The following POFUT3 variants were observed in gnomAD, a reference collection of about 807,000 sequenced individuals.
POFUT3 encodes GDP-fucose protein O-fucosyltransferase 3.
At chr8:33,469,789 A>G in the POFUT3 span, among the ~76,000 whole-genome samples, 16 of 139,916 alleles carry the variant, frequency 1.1e-4, no homozygotes, top group African/African-American at 3.7e-4. Context: ...AGAAACACAG[A>G]TTTTTTACTT....
the POFUT3 span, chr8:33,461,420 T>C: frequency 1.2e-6 from 2 of 1,613,522 alleles, no homozygotes; most frequent in Non-Finnish European, 1.7e-6. Flanking sequence ...ACAGGCAAGA[T>C]GCCAAAAGCT....
chr8:33,472,130 G>A, the POFUT3 span, among the ~76,000 whole-genome samples: 1 of 152,196 alleles, frequency 6.6e-6, no homozygotes, highest in Non-Finnish European at 1.5e-5. Flanking sequence ...GGAAAGAAAG[G>A]TGTACGAAGG....
the POFUT3 span, among the ~76,000 whole-genome samples, chr8:33,399,843 G>A: frequency 3.3e-5 from 5 of 151,714 alleles, no homozygotes; most frequent in East Asian, 2.0e-4. Context: ...TTGTAGAGAC[G>A]GGGTTTCACC....
the POFUT3 span, chr8:33,389,285 A>G: frequency 1.9e-6 from 3 of 1,614,050 alleles, no homozygotes; most frequent in Non-Finnish European, 2.5e-6. Context: ...CCCCAGTTTC[A>G]GTGGCCTCCA....
the POFUT3 span, among the ~76,000 whole-genome samples, chr8:33,408,001 AAAAAG>A: frequency 4.0e-4 from 60 of 151,064 alleles, no homozygotes; most frequent in African/African-American, 1.2e-3. Flanking sequence ...AAAAAAAAAA[AAAAAG>A]AAAAGAAAAG....
At chr8:33,470,199 A>T in the POFUT3 span, among the ~76,000 whole-genome samples, 1 of 145,304 alleles carries the variant, frequency 6.9e-6, no homozygotes, top group Non-Finnish European at 1.5e-5. Context: ...CAGGAGTTCA[A>T]GACCAGCCTA....
chr8:33,391,769 T>C, the POFUT3 span, among the ~76,000 whole-genome samples: 2 of 151,964 alleles, frequency 1.3e-5, no homozygotes, highest in Non-Finnish European at 2.9e-5. Flanking sequence ...AGATGAGAGA[T>C]TAAAGAGGAT....
the POFUT3 span, among the ~76,000 whole-genome samples, chr8:33,380,906 G>C: frequency 6.6e-6 from 1 of 151,684 alleles, no homozygotes; most frequent in Non-Finnish European, 1.5e-5. Context: ...GGCCAAAGCA[G>C]GAGAATGGCT....
the POFUT3 span, among the ~76,000 whole-genome samples, chr8:33,326,292 T>G: frequency 2.0e-5 from 3 of 152,108 alleles, no homozygotes; most frequent in Non-Finnish European, 2.9e-5. Flanking sequence ...ACTCCTACAC[T>G]GGGGCTCCAG....
chr8:33,329,314 G>C, the POFUT3 span, among the ~76,000 whole-genome samples: 5 of 152,286 alleles, frequency 3.3e-5, no homozygotes, highest in East Asian at 9.6e-4. Flanking sequence ...AAATATAACA[G>C]GACATTTGGA....
the POFUT3 span, among the ~76,000 whole-genome samples, chr8:33,332,093 T>C: frequency 6.7e-6 from 1 of 149,746 alleles, no homozygotes; most frequent in South Asian, 2.1e-4. Flanking sequence ...CAGTGAGCTA[T>C]GATCAAGCCA....
chr8:33,448,211 C>T, the POFUT3 span, among the ~76,000 whole-genome samples: 10 of 122,040 alleles, frequency 8.2e-5, no homozygotes, highest in East Asian at 2.1e-3. Flanking sequence ...CCAGATATGG[C>T]GGCAAGCACC....
At chr8:33,461,172 C>CGGAA in the POFUT3 span, among the ~76,000 whole-genome samples, 19 of 47,598 alleles carry the variant, frequency 4.0e-4, no homozygotes, top group East Asian at 1.2e-3. Flanking sequence ...GGTACTGTGT[C>CGGAA]GGAAGGAAGG....
the POFUT3 span, among the ~76,000 whole-genome samples, chr8:33,313,924 C>T: frequency 6.6e-6 from 1 of 152,100 alleles, no homozygotes; most frequent in South Asian, 2.1e-4. Context: ...AGTCTCCTCC[C>T]TCTTGATTTC....
the POFUT3 span, among the ~76,000 whole-genome samples, chr8:33,420,872 T>G: frequency 1.3e-5 from 2 of 151,976 alleles, no homozygotes; most frequent in African/African-American, 4.8e-5. Context: ...GGTCACATTA[T>G]ATGTATCAAA....
the POFUT3 span, among the ~76,000 whole-genome samples, chr8:33,426,729 GACT>G: frequency 6.6e-6 from 1 of 152,152 alleles, no homozygotes; most frequent in Non-Finnish European, 1.5e-5. Context: ...TCTCCTCTAT[GACT>G]ACATTTGCCA....
chr8:33,407,571 T>C, the POFUT3 span, among the ~76,000 whole-genome samples: 3 of 152,286 alleles, frequency 2.0e-5, no homozygotes, highest in South Asian at 4.1e-4. Context: ...AACCAAATTA[T>C]AGAGAATGTT....
At chr8:33,349,419 T>C in the POFUT3 span, among the ~76,000 whole-genome samples, 1 of 152,196 alleles carries the variant, frequency 6.6e-6, no homozygotes, top group Non-Finnish European at 1.5e-5. Flanking sequence ...GTGTAGTCTT[T>C]TATCCTTCAC....
chr8:33,342,394 C>T, the POFUT3 span, among the ~76,000 whole-genome samples: 1 of 150,708 alleles, frequency 6.6e-6, no homozygotes, highest in Non-Finnish European at 1.5e-5. Context: ...TGTAGCAAGA[C>T]TGACCAAAGG....
Sources: gnomAD v4.1 joint callset for allele counts (sites outside exome capture counted in the v4.1 genomes callset) on GRCh38, gnomAD v4.1.1 for gene constraint, MANE v1.5 for transcripts, NCBI Gene and HGNC (gene_info 2026-07-23, HGNC 2026-07-21) for gene names.